The following SGCD variants were observed in gnomAD, a reference collection of about 807,000 sequenced individuals.
SGCD encodes sarcoglycan delta.
A neutral mutation model predicts 36.6 loss-of-function variants in SGCD; 18 were observed. That is an observed-to-expected ratio of 0.49 (90% CI 0.34 to 0.73). The LOEUF is 0.73. SGCD is among the 30% of genes least tolerant of loss of function. The pLI, the probability that SGCD is intolerant of heterozygous loss-of-function variation, is 0.01. For missense variants in SGCD, 387 were observed against 346.7 expected (o/e 1.12, Z -0.92); for synonymous variants, 133 against 130.6 (o/e 1.02, Z -0.12).
chr5:155,736,092 C>T, the SGCD span, among the ~76,000 whole-genome samples: 2 of 152,166 alleles, frequency 1.3e-5, no homozygotes, highest in Non-Finnish European at 1.5e-5. Context: ...TAACTACATC[C>T]TCAGACACAG....
intron 3 of SGCD, among the ~76,000 whole-genome samples, chr5:156,390,734 GA>G (rs961484430): frequency 6.4e-4 from 96 of 149,968 alleles, no homozygotes; most frequent in African/African-American, 2.2e-3. Context: ...CTATCTCAGG[GA>G]AAAAAAAAGT....
At chr5:156,174,771 A>C (rs1763426060) in intron 3 of SGCD, among the ~76,000 whole-genome samples, 1 of 152,200 alleles carries the variant, frequency 6.6e-6, no homozygotes, top group Non-Finnish European at 1.5e-5. Flanking sequence ...GTGATAGGAA[A>C]AAGATGTCAA....
intron 4 of SGCD, among the ~76,000 whole-genome samples, chr5:156,513,583 G>A (rs768905823): frequency 2.4e-4 from 36 of 152,160 alleles, no homozygotes; most frequent in Non-Finnish European, 4.0e-4. Flanking sequence ...CTCGAAGTGA[G>A]GACAACTAAT....
At chr5:156,479,088 CTTTA>C in intron 3 of SGCD, among the ~76,000 whole-genome samples, 1 of 152,052 alleles carries the variant, frequency 6.6e-6, no homozygotes, top group South Asian at 2.1e-4. Context: ...ATTCAAGATT[CTTTA>C]TTTATTTTTA....
At chr5:155,984,712 G>A (rs1758295204) in intron 1 of SGCD, among the ~76,000 whole-genome samples, 1 of 152,136 alleles carries the variant, frequency 6.6e-6, no homozygotes, top group South Asian at 2.1e-4. Flanking sequence ...CCACCTATGT[G>A]TACTATAGCT....
At chr5:156,364,058 G>A (rs576005381) in intron 3 of SGCD, among the ~76,000 whole-genome samples, 1 of 152,234 alleles carries the variant, frequency 6.6e-6, no homozygotes, top group Non-Finnish European at 1.5e-5. Context: ...TGTGCAGGGA[G>A]GTATGGGCAG....
intron 7 of SGCD, among the ~76,000 whole-genome samples, chr5:156,710,186 A>G (rs1458413543): frequency 6.6e-6 from 1 of 152,252 alleles, no homozygotes; most frequent in African/African-American, 2.4e-5. Flanking sequence ...GCATATATTT[A>G]TACATAAACC....
At chr5:155,944,726 A>T (rs1757403334) in intron 1 of SGCD, among the ~76,000 whole-genome samples, 1 of 152,204 alleles carries the variant, frequency 6.6e-6, no homozygotes, top group Non-Finnish European at 1.5e-5. Context: ...GCAAAGACAG[A>T]TAATCTGACA....
intron 4 of SGCD, among the ~76,000 whole-genome samples, chr5:156,529,496 C>T (rs573908384): frequency 4.2e-4 from 63 of 148,386 alleles, no homozygotes; most frequent in African/African-American, 1.5e-3. Flanking sequence ...TTTTTCTTCA[C>T]TCCTATGTTG....
intron 1 of SGCD, among the ~76,000 whole-genome samples, chr5:155,909,852 T>C (rs1756595528): frequency 6.6e-6 from 1 of 152,104 alleles, no homozygotes; most frequent in Non-Finnish European, 1.5e-5. Flanking sequence ...TTCAAGGGTT[T>C]TTTAAAGAGA....
chr5:156,068,571 C>T (rs1052808724), intron 1 of SGCD, among the ~76,000 whole-genome samples: 7 of 151,770 alleles, frequency 4.6e-5, no homozygotes, highest in South Asian at 4.2e-4. Flanking sequence ...TGAATAGTGC[C>T]GCAGTATACA....
intron 3 of SGCD, among the ~76,000 whole-genome samples, chr5:156,155,656 T>A (rs1354598357): frequency 6.7e-6 from 1 of 148,272 alleles, no homozygotes; most frequent in Non-Finnish European, 1.5e-5. Context: ...TTACTCTGGA[T>A]AATGTCTGCA....
intron 1 of SGCD, among the ~76,000 whole-genome samples, chr5:155,873,770 C>G (rs1269975452): frequency 6.6e-6 from 1 of 152,106 alleles, no homozygotes; most frequent in Non-Finnish European, 1.5e-5. Flanking sequence ...AAAAAGCATA[C>G]CACTTTGCAG....
chr5:156,043,339 A>T (rs2127578854), intron 1 of SGCD, among the ~76,000 whole-genome samples: 1 of 152,332 alleles, frequency 6.6e-6, no homozygotes, highest in Non-Finnish European at 1.5e-5. Flanking sequence ...TCAAGATCCA[A>T]CAATTTCACA....
chr5:156,115,616 T>C (rs1194681093), intron 1 of SGCD, among the ~76,000 whole-genome samples: 1 of 152,098 alleles, frequency 6.6e-6, no homozygotes, highest in Admixed American at 6.6e-5. Context: ...AAATTATCGA[T>C]TATATTTTTT....
At chr5:156,675,511 A>C (rs928884052) in intron 7 of SGCD, among the ~76,000 whole-genome samples, 4 of 152,184 alleles carry the variant, frequency 2.6e-5, no homozygotes, top group African/African-American at 9.7e-5. Context: ...GGCTGGTCCC[A>C]AAATTAAAAC....
chr5:155,941,410 A>C (rs1757323311), intron 1 of SGCD, among the ~76,000 whole-genome samples: 1 of 152,092 alleles, frequency 6.6e-6, no homozygotes, highest in African/African-American at 2.4e-5. Context: ...TATGGATAGT[A>C]ATTTTGTGGG....
At position 155,981,207 on chromosome 5, in the gene SGCD, A is replaced by G. The variant is rs563635460; in HGVS notation, c.-282+110783A>G. Among the ~76,000 whole-genome samples, 4 of 152,286 alleles carry G rather than the reference A, an allele frequency of 2.6e-5. No individual in the cohort carries two copies. In the East Asian group the frequency reaches 5.8e-4, roughly 22 times the overall value. The stretch of plus-strand genomic sequence containing the variant: ...GGCTGTGTGGCATTGACAATGTGGG[A>G]CAAAGCTCGTGGCTCAGTTCAATCT... On this transcript the variant is annotated intron_variant, in intron 1 of 9. Transcript: ENST00000517913.
chr5:156,094,244 G>C (rs548045393), intron 1 of SGCD, among the ~76,000 whole-genome samples: 78 of 152,268 alleles, frequency 5.1e-4, no homozygotes, highest in African/African-American at 1.8e-3. Context: ...GATCTGTAAG[G>C]GGGAGGGTGG....
Sources: gnomAD v4.1 joint callset for allele counts (sites outside exome capture counted in the v4.1 genomes callset) on GRCh38, gnomAD v4.1.1 for gene constraint, MANE v1.5 for transcripts, NCBI Gene and HGNC (gene_info 2026-07-23, HGNC 2026-07-21) for gene names.